PCDHGA2: variants seen among roughly 807,000 people sequenced by gnomAD.
The protein encoded by PCDHGA2 is protocadherin gamma subfamily A, 2.
In PCDHGA2, 40 loss-of-function variants were observed where a neutral mutation model predicts 59.2. The ratio of observed to expected loss-of-function variants is 0.68; its 90% confidence interval spans 0.52 to 0.88. The LOEUF (loss-of-function observed/expected upper bound fraction) is 0.88, where lower values mean the gene tolerates loss of function less well. Among genes scored for constraint, PCDHGA2 ranks in the 40% least tolerant of loss-of-function variants. PCDHGA2 has a pLI of 0.00. For synonymous variants in PCDHGA2, 560 were observed against 526.0 expected (o/e 1.06, Z -0.89); for missense variants, 1,226 against 1,204.0 (o/e 1.02, Z -0.27).
rs1562142740 is a variant in PCDHGA2, at chr5:141,490,958, ACT to A, written c.2425-3847_2425-3846del. 1 of 1,613,728 alleles carries A rather than the reference ACT, an allele frequency of 6.2e-7. No homozygotes were observed. Among genetic ancestry groups the A allele is most frequent in the Non-Finnish European group, 8.5e-7 (1 of 1,179,830 alleles). On this transcript the variant is annotated intron_variant, in intron 1 of 3. Transcript: ENST00000394576. The surrounding 1 kb of genome is among the most constrained non-coding windows in gnomAD (Gnocchi z 5.4). Reference sequence around the variant, plus strand: ...CTGCACCCACGGCCAGACTGGGAACACTCAGCCCCCCAGCGTCTCCCTCGCTC... The same window carrying A: ...CTGCACCCACGGCCAGACTGGGAACACAGCCCCCCAGCGTCTCCCTCGCTC...
intron 1 of PCDHGA2, chr5:141,417,624 G>A (rs2096138947): frequency 1.5e-6 from 1 of 672,584 alleles, no homozygotes; most frequent in Non-Finnish European, 2.4e-6. Flanking sequence ...CAGAGCAAGC[G>A]CTGACGCCGG....
At position 141,351,203 on chromosome 5, in the gene PCDHGA2, G is replaced by A. The variant is rs761755247; in HGVS notation, c.2424+9808G>A. 88 of 1,613,946 alleles carry A rather than the reference G, an allele frequency of 5.5e-5. 1 individual carries two copies. In the Middle Eastern group the frequency reaches 6.6e-3, roughly 121 times the overall value. ...AGAGACAAGTAGATATGTGTTGAGTGTGGAAGCTAAGGATGGAGGAGTACA... is the reference window on the plus strand; with the variant it reads ...AGAGACAAGTAGATATGTGTTGAGTATGGAAGCTAAGGATGGAGGAGTACA... On this transcript the variant is annotated intron_variant, in intron 1 of 3. Coordinates refer to ENST00000394576, the MANE Select transcript of PCDHGA2 (RefSeq NM_018915.4).
intron 1 of PCDHGA2, among the ~76,000 whole-genome samples, chr5:141,448,001 G>A (rs143950707): frequency 0.046 from 7,030 of 151,928 alleles, 245 homozygotes; most frequent in African/African-American, 0.093. Context: ...CATGAGAATC[G>A]CTTGAACCCA....
rs1372368815 is a variant in PCDHGA2 at position 141,491,370 on chromosome 5, C to T, written c.2425-3437C>T. 3 of 1,614,038 alleles carry T rather than the reference C, an allele frequency of 1.9e-6. No individual in the cohort carries two copies. The highest frequency in any genetic ancestry group is 2.2e-5 in the East Asian group (1 of 44,880). ...GTCTCTTATCCCTAGTCACCTTCAC[C>T]TTTCTGTCAGCGAAGTGCCTTCAGG... On this transcript the variant is annotated intron_variant, in intron 1 of 3. Transcript: ENST00000394576. The surrounding 1 kb of genome is among the most constrained non-coding windows in gnomAD (Gnocchi z 6.9).
chr5:141,406,600 G>A (rs1172246444), intron 1 of PCDHGA2, among the ~76,000 whole-genome samples: 2 of 152,144 alleles, frequency 1.3e-5, no homozygotes, highest in African/African-American at 4.8e-5. Flanking sequence ...AATGGTGAAA[G>A]TTGTCACATC....
chr5:141,372,095 G>C (rs1359793562), intron 1 of PCDHGA2: 1 of 1,613,790 alleles, frequency 6.2e-7, no homozygotes, highest in Admixed American at 1.7e-5. Context: ...ACCCAGCTCT[G>C]GGGCCCGAAG....
chr5:141,365,349 T>A, intron 1 of PCDHGA2: 1 of 1,613,944 alleles, frequency 6.2e-7, no homozygotes, highest in Non-Finnish European at 8.5e-7. Context: ...GTACAGGACG[T>A]GAATGACAAT....
Position 141,375,230 on chromosome 5 carries a change from A to G in PCDHGA2, c.2424+33835A>G. ...AGACTCTGGCCTGAATGGCCTGGTA[A>G]CCTGTTCCATCCCGAGAAGTCTCCC... On this transcript the variant is annotated intron_variant, in intron 1 of 3. Coordinates refer to ENST00000394576, the MANE Select transcript of PCDHGA2 (RefSeq NM_018915.4). 2 of 1,613,988 alleles carry G rather than the reference A, an allele frequency of 1.2e-6. No individual in the cohort carries two copies. The highest frequency in any genetic ancestry group is 8.5e-7 in the Non-Finnish European group (1 of 1,179,900).
intron 1 of PCDHGA2, chr5:141,360,166 G>A: frequency 6.2e-7 from 1 of 1,607,924 alleles, no homozygotes; most frequent in Non-Finnish European, 8.5e-7. Context: ...GTGCGGGCTG[G>A]TGCGGTGGCT....
chr5:141,392,690 G>T, intron 1 of PCDHGA2: 1 of 1,127,490 alleles, frequency 8.9e-7, no homozygotes, highest in Non-Finnish European at 1.2e-6. Flanking sequence ...AGCGAAACCC[G>T]ACCCCTGTTT....
In PCDHGA2 at chr5:141,374,803, A is replaced by G. The variant is rs371815306; in HGVS notation, c.2424+33408A>G. The G allele has an allele frequency of 9.7e-5, 157 of 1,613,866 alleles. 1 individual carries two copies. Among genetic ancestry groups the G allele is most frequent in the Middle Eastern group, 1.6e-4 (1 of 6,084 alleles). On this transcript the variant is annotated intron_variant, in intron 1 of 3. Coordinates refer to ENST00000394576, the MANE Select transcript of PCDHGA2 (RefSeq NM_018915.4). ...TTCTAGATGTGAATGACAACACTCC[A>G]ATGTTTACTCAGCCTGTCTACCGTG...
At chr5:141,372,877 A>C (rs778363950) in intron 1 of PCDHGA2, 1 of 1,270,298 alleles carries the variant, frequency 7.9e-7, no homozygotes, top group South Asian at 1.5e-5. Context: ...TAGAGATAAA[A>C]AGAATACAGA....
chr5:141,455,130 A>T (rs1446894125), intron 1 of PCDHGA2, among the ~76,000 whole-genome samples: 2 of 150,970 alleles, frequency 1.3e-5, no homozygotes, highest in African/African-American at 4.8e-5. Flanking sequence ...GTTTTAAATT[A>T]CACTGTGTTA....
At chr5:141,434,658 T>C (rs1243599957) in intron 1 of PCDHGA2, among the ~76,000 whole-genome samples, 2 of 152,198 alleles carry the variant, frequency 1.3e-5, no homozygotes, top group African/African-American at 2.4e-5. Flanking sequence ...ATCTAATATC[T>C]ATAGAAATGA....
intron 1 of PCDHGA2, among the ~76,000 whole-genome samples, chr5:141,433,999 A>G (rs1471657184): frequency 6.6e-6 from 1 of 152,070 alleles, no homozygotes; most frequent in Admixed American, 6.6e-5. Context: ...TATATTCTCT[A>G]TATATGTTTG....
intron 1 of PCDHGA2, chr5:141,394,389 C>T (rs750588570): frequency 2.6e-5 from 42 of 1,614,118 alleles, no homozygotes; most frequent in Non-Finnish European, 3.5e-5. Flanking sequence ...TGAGCAGATC[C>T]GAGACCTGCA....
intron 1 of PCDHGA2, chr5:141,364,133 C>A: frequency 2.1e-6 from 1 of 484,590 alleles, no homozygotes. Context: ...CGCTGTTGAC[C>A]AAAGTGGGAA....
At chr5:141,435,497 C>T (rs1234443531) in intron 1 of PCDHGA2, among the ~76,000 whole-genome samples, 1 of 152,154 alleles carries the variant, frequency 6.6e-6, no homozygotes, top group African/African-American at 2.4e-5. Context: ...ATTTCCTACA[C>T]TAATGATACT....
At chr5:141,460,132 T>TAAAA in intron 1 of PCDHGA2, among the ~76,000 whole-genome samples, 1 of 152,036 alleles carries the variant, frequency 6.6e-6, no homozygotes, top group South Asian at 2.1e-4. Context: ...GTAATATATA[T>TAAAA]ATTCTTGATG....
Sources: allele counts gnomAD v4.1 joint callset (sites outside exome capture counted in the v4.1 genomes callset), GRCh38; gene constraint gnomAD v4.1.1; non-coding constraint Gnocchi (gnomAD v3.1); transcripts MANE v1.5; gene names NCBI Gene and HGNC (gene_info 2026-07-23, HGNC 2026-07-21).